Variants in SPTBN5 observed in about 807,000 individuals in gnomAD.
SPTBN5 encodes spectrin beta, non-erythrocytic 5, also known as spectrin beta chain, non-erythrocytic 5.
Under a neutral mutation model 477.6 loss-of-function variants are expected in SPTBN5, and 513 were observed. The observed-to-expected ratio is 1.07, with a 90% confidence interval of 1.00 to 1.16. SPTBN5 has a LOEUF of 1.16. Ranked by LOEUF, SPTBN5 falls within the 50% of genes most tolerant of loss-of-function variation. The pLI is 0.00. For missense variants in SPTBN5, 5,062 were observed against 4,731.8 expected (o/e 1.07, Z -2.05); for synonymous variants, 2,169 against 2,011.7 (o/e 1.08, Z -2.09).
At position 41,854,434 on chromosome 15, in the gene SPTBN5, G is replaced by C. The variant is rs8027806; in HGVS notation, c.9619-229C>G. On this transcript the variant is annotated intron_variant, in intron 56 of 67. Coordinates refer to ENST00000320955, the MANE Select transcript of SPTBN5 (RefSeq NM_016642.4). ...GAGGGTGGGGAGAGGAGAGGGCCTC[G>C]TGCATCTCAGGGAAAGGCAGACGCG... Among the ~76,000 whole-genome samples, 28,298 of 151,252 alleles carry C rather than the reference G, an allele frequency of 0.19. 2,790 individuals are homozygous for C. Among genetic ancestry groups the C allele is most frequent in the African/African-American group, 0.23 (9,442 of 41,074 alleles).
At position 41,862,775 on chromosome 15, in the gene SPTBN5, C is replaced by T. The variant is rs1378093510; in HGVS notation, c.7263+15G>A. On this transcript the variant is annotated intron_variant, in intron 42 of 67. Transcript: ENST00000320955. ...AGGAGATGCCCTGGGCCCAGCTCTA[C>T]AGCCAGCTACGCACCTCCACCTGGG... 1.9e-6 allele frequency: 3 copies of T among 1,556,902 alleles called. No homozygotes were observed. Among genetic ancestry groups the T allele is most frequent in the East Asian group, 2.4e-5 (1 of 41,584 alleles).
At position 41,858,670 on chromosome 15, in the gene SPTBN5, A is replaced by G; in HGVS notation, c.8158T>C (p.Leu2720=). Residue 2720 remains leucine (L), a synonymous_variant, in exon 49 of 68, where the codon TTA becomes CTA. Coordinates refer to ENST00000320955, the MANE Select transcript of SPTBN5 (RefSeq NM_016642.4). ...GCCTGGAAATTCTGCTGCTTCTGTA[A>G]CTGTGCTGGCAGCATGGCTGTGTCC... is the stretch of plus-strand genomic sequence containing the variant. The part of the protein sequence containing the change: ...LLDTAMLPAQ[L]QKQQNFQAEL... 1.9e-6 allele frequency: 3 copies of G among 1,611,426 alleles called. No individual in the cohort carries two copies. Among genetic ancestry groups the G allele is most frequent in the Non-Finnish European group, 2.5e-6 (3 of 1,179,352 alleles).
rs199808107 is a variant in SPTBN5 at position 41,854,070 on chromosome 15, G to A, written c.9754C>T (p.Gln3252Ter). The A allele has an allele frequency of 6.5e-5, 102 of 1,573,592 alleles. No individual in the cohort carries two copies. In the Middle Eastern group the frequency reaches 1.2e-3, roughly 18 times the overall value. The change falls in exon 57 of 68, where the codon CAA becomes TAA. Residue 3252 changes from glutamine (Q) to a stop codon, truncating the protein, a stop_gained. Coordinates refer to ENST00000320955, the MANE Select transcript of SPTBN5 (RefSeq NM_016642.4). LOFTEE classifies it high-confidence loss of function. ...HSLSSVRTLQ[Q>*]QHRRLERELE... is the part of the protein sequence containing the mutation. ...CTCACCTCCAGGCGCCTGTGCTGTTGCTGCAGGGTCCGCACAGATGACAGG... is the reference window on the plus strand; with the variant it reads ...CTCACCTCCAGGCGCCTGTGCTGTTACTGCAGGGTCCGCACAGATGACAGG...
chr15:41,873,692 G>A, intron 25 of SPTBN5, 84 bp from the exon 26 acceptor site: 2 of 1,447,354 alleles, frequency 1.4e-6, no homozygotes, highest in Non-Finnish European at 1.9e-6. Flanking sequence ...CTGCTCTCCA[G>A]CATCAAAGGG....
chr15:41,852,773 G>A (rs374580477), intron 60 of SPTBN5, 38 bp from the exon 61 acceptor site: 22 of 1,597,170 alleles, frequency 1.4e-5, no homozygotes, highest in Admixed American at 5.0e-5. Flanking sequence ...CCAGCTTGGG[G>A]GGGGGGGCCC....
In SPTBN5 at chr15:41,883,186, C is replaced by T. The variant is rs76604622; in HGVS notation, c.1702G>A (p.Val568Met). Residue 568 changes from valine (V) to methionine (M), a missense_variant, in exon 9 of 68, where the codon GTG (valine) becomes ATG (methionine). Transcript: ENST00000320955. The stretch of plus-strand genomic sequence containing the variant: ...TCATGCCTCTGCAGCAGCTCCACCA[C>T]TTCTGCCAGCTGCTGCCCACAGGCG... ...STACGQQLAEVVELLQRHDLL... is the reference protein window; with the variant it reads ...STACGQQLAEMVELLQRHDLL... 6.7e-4 allele frequency: 1,078 copies of T among 1,612,532 alleles called. 5 individuals are homozygous for T. In the African/African-American group the frequency reaches 0.013, roughly 20 times the overall value.
At chr15:41,880,336 G>A in intron 13 of SPTBN5, 24 bp from the exon 14 acceptor site, 6 of 1,580,374 alleles carry the variant, frequency 3.8e-6, no homozygotes, top group African/African-American at 1.3e-5. Flanking sequence ...GCCCAAGGCT[G>A]GGGTGAGGGT....
chr15:41,876,492 C>A (rs1198975923), intron 20 of SPTBN5, 56 bp downstream of exon 20: 3 of 1,470,356 alleles, frequency 2.0e-6, no homozygotes, highest in African/African-American at 2.8e-5. Context: ...GAGCTCTGTA[C>A]GGTCTCAGGC....
At position 41,882,136 on chromosome 15, in the gene SPTBN5, C is replaced by CCG; in HGVS notation, c.2255_2256dup (p.Asp753ArgfsTer33). 6.4e-7 allele frequency: 1 copy of CCG among 1,571,916 alleles called. No individual in the cohort carries two copies. The highest frequency in any genetic ancestry group is 8.5e-7 in the Non-Finnish European group (1 of 1,169,910). ...AGCCACGAAGCCGCCTCCGCCGCGTCCGCGAAGTACTGTGGGAGGGGGTCG... is the reference window on the plus strand; with the variant it reads ...AGCCACGAAGCCGCCTCCGCCGCGTCCGCGCGAAGTACTGTGGGAGGGGGTCG... On this transcript the variant is annotated frameshift_variant, in exon 12 of 68. Transcript: ENST00000320955. LOFTEE classifies it high-confidence loss of function.
rs568861044 is a variant in SPTBN5, at chr15:41,882,081, G to C, written c.2312C>G (p.Ala771Gly). ...GGCCGCCTGGTCCTGACCGCAGGAC[G>C]CTCTCTCCAGCGAGGATCGCCGCTC... ...LRERRSSLER[A>G]SCGQDQAAAE... is the part of the protein sequence containing the mutation. Residue 771 changes from alanine to glycine, a missense_variant, in exon 12 of 68, where the codon GCG becomes GGG. Coordinates refer to ENST00000320955, the MANE Select transcript of SPTBN5 (RefSeq NM_016642.4). The C allele has an allele frequency of 8.3e-5, 130 of 1,571,282 alleles. No homozygotes were observed. In the East Asian group the frequency reaches 2.9e-3, roughly 35 times the overall value.
chr15:41,850,980 G>T, intron 65 of SPTBN5, 41 bp from the exon 66 acceptor site: 1 of 1,589,406 alleles, frequency 6.3e-7, no homozygotes, highest in South Asian at 1.1e-5. Flanking sequence ...CTGTCCCTTT[G>T]GGGACCCCCA....
chr15:41,855,098 G>A (rs1379282672), intron 55 of SPTBN5, 122 bp from the exon 56 acceptor site: 6 of 1,427,646 alleles, frequency 4.2e-6, no homozygotes, highest in East Asian at 4.7e-5. Context: ...TGGAACCATC[G>A]GGATCCTCCC....
chr15:41,852,224 G>C lies in SPTBN5; in HGVS notation c.10542C>G (p.His3514Gln), dbSNP rs760963750. 1.9e-6 allele frequency: 3 copies of C among 1,609,518 alleles called. No individual in the cohort carries two copies. Among genetic ancestry groups the C allele is most frequent in the Admixed American group, 1.7e-5 (1 of 59,842 alleles). ...LTSFQWRPSG[H>Q]QGLGAQLAET... ...CAGCCAGCTGTGCTCCTAGCCCCTGGTGTCCAGAGGGCCTCCACTGAAAGG... is the reference window on the plus strand; with the variant it reads ...CAGCCAGCTGTGCTCCTAGCCCCTGCTGTCCAGAGGGCCTCCACTGAAAGG... The change falls in exon 62 of 68, where the codon CAC becomes CAG. Residue 3514 changes from histidine to glutamine, a missense_variant. Transcript: ENST00000320955.
chr15:41,859,373 G>A (rs2066026766), intron 47 of SPTBN5, among the ~76,000 whole-genome samples: 1 of 152,178 alleles, frequency 6.6e-6, no homozygotes, highest in Non-Finnish European at 1.5e-5. Flanking sequence ...TGGCCAGACT[G>A]GTCTTGAACT....
intron 36 of SPTBN5, 99 bp from the exon 37 acceptor site, chr15:41,866,592 G>C: frequency 7.5e-7 from 1 of 1,334,686 alleles, no homozygotes; most frequent in Non-Finnish European, 9.8e-7. Context: ...CTGGCCTCAG[G>C]GGTGGGGCGG....
At chr15:41,860,468 C>G (rs1265040882) in intron 47 of SPTBN5, 118 bp downstream of exon 47, 9 of 1,184,220 alleles carry the variant, frequency 7.6e-6, no homozygotes, top group Non-Finnish European at 9.8e-6. Context: ...GACCTCAGTC[C>G]TTGGACAAGG....
At chr15:41,850,268 T>C (rs1024149128) in intron 66 of SPTBN5, 3 of 385,718 alleles carry the variant, frequency 7.8e-6, no homozygotes, top group African/African-American at 2.0e-5. Context: ...AGACAGACTC[T>C]TGGGAGGAGA....
rs200015124 is a variant in SPTBN5, at chr15:41,878,436, G to A, written c.3376C>T (p.Arg1126Cys). 1.2e-3 allele frequency: 1,921 copies of A among 1,613,670 alleles called. 4 individuals carry two copies. The highest frequency in any genetic ancestry group is 1.2e-3 in the Non-Finnish European group (1,433 of 1,179,876). ...LWAESVQAQL[R>C]SKEVSVDVAS... ...ACATCCACTGACACCTCCTTGCTGCGCAGCTGAGCCTGGACACTCTCTGCC... is the reference window on the plus strand; with the variant it reads ...ACATCCACTGACACCTCCTTGCTGCACAGCTGAGCCTGGACACTCTCTGCC... Residue 1126 changes from arginine to cysteine, a missense_variant, in exon 17 of 68, where the codon CGC (arginine) becomes TGC (cysteine). Coordinates refer to ENST00000320955, the MANE Select transcript of SPTBN5 (RefSeq NM_016642.4).
chr15:41,887,259 C>A lies in SPTBN5; in HGVS notation c.842G>T (p.Cys281Phe). The change falls in exon 6 of 68, where the codon TGC (cysteine) becomes TTC (phenylalanine). Residue 281 changes from cysteine (C) to phenylalanine (F), a missense_variant. Physicochemically the swap from Cys to Phe is radical, Grantham distance 205. Coordinates refer to ENST00000320955, the MANE Select transcript of SPTBN5 (RefSeq NM_016642.4). ...MTYVSLYYHY[C>F]SRLHQGQTVQ... ...AGTCTGCCCCTGATGCAGGCGGGAG[C>A]AGTAGTGGTAGTAGAGGGAGACGTA... The A allele has an allele frequency of 6.4e-7, 1 of 1,551,390 alleles. No individual in the cohort carries two copies. The highest frequency in any genetic ancestry group is 8.7e-7 in the Non-Finnish European group (1 of 1,147,000).
Sources: allele counts gnomAD v4.1 joint callset (sites outside exome capture counted in the v4.1 genomes callset), GRCh38; gene constraint gnomAD v4.1.1; transcripts MANE v1.5; gene names NCBI Gene and HGNC (gene_info 2026-07-23, HGNC 2026-07-21).